The following MTRF1 variants were observed in gnomAD, a reference collection of about 807,000 sequenced individuals.
MTRF1 encodes mitochondrial translation release factor 1, also known as peptide chain release factor 1, mitochondrial.
MTRF1 carries 51 observed loss-of-function variants against 62.9 expected under a neutral mutation model. That is an observed-to-expected ratio of 0.81 (90% CI 0.65 to 1.02). The LOEUF (loss-of-function observed/expected upper bound fraction) is 1.02, where lower values mean the gene tolerates loss of function less well. Among genes scored for constraint, MTRF1 ranks in the 50% least tolerant of loss-of-function variants. MTRF1 has a pLI of 0.00. For synonymous variants in MTRF1, 158 were observed against 181.9 expected (o/e 0.87, Z 1.06); for missense variants, 446 against 530.0 (o/e 0.84, Z 1.56).
intron 5 of MTRF1, among the ~76,000 whole-genome samples, chr13:41,241,098 G>A (rs987557014): frequency 6.6e-6 from 1 of 152,152 alleles, no homozygotes; most frequent in Non-Finnish European, 1.5e-5. Flanking sequence ...GGGCTGGTGT[G>A]CAGTGGTGCA....
chr13:41,249,803 T>C (rs2038832526), intron 5 of MTRF1, among the ~76,000 whole-genome samples: 1 of 151,542 alleles, frequency 6.6e-6, no homozygotes, highest in Non-Finnish European at 1.5e-5. Flanking sequence ...ATTTTTGTAT[T>C]TGTAGTAGAC....
At chr13:41,257,317 G>A (rs2039862061) in intron 2 of MTRF1, among the ~76,000 whole-genome samples, 1 of 152,206 alleles carries the variant, frequency 6.6e-6, no homozygotes, top group South Asian at 2.1e-4. Context: ...AGAACGCCTA[G>A]AGGTAGGGCT....
At chr13:41,270,720 T>C in the MTRF1 span, among the ~76,000 whole-genome samples, 1 of 146,828 alleles carries the variant, frequency 6.8e-6, no homozygotes, top group African/African-American at 2.5e-5. Context: ...TTATAAAGGC[T>C]TTTTATTATT....
intron 2 of MTRF1, among the ~76,000 whole-genome samples, chr13:41,257,099 A>G (rs1482956622): frequency 6.6e-6 from 1 of 152,014 alleles, no homozygotes; most frequent in Non-Finnish European, 1.5e-5. Flanking sequence ...CAACGTGGGC[A>G]AAGATACAGA....
intron 5 of MTRF1, among the ~76,000 whole-genome samples, chr13:41,241,449 C>T (rs1314106289): frequency 6.6e-6 from 1 of 152,180 alleles, no homozygotes; most frequent in Admixed American, 6.5e-5. Flanking sequence ...GTCCACCACT[C>T]AGGTCAAGAA....
intron 8 of MTRF1, among the ~76,000 whole-genome samples, chr13:41,225,787 G>A (rs1360959359): frequency 7.2e-6 from 1 of 138,452 alleles, no homozygotes; most frequent in East Asian, 2.1e-4. Context: ...CCAGCCTGGT[G>A]ACAGAGCGAG....
At chr13:41,305,990 A>T in the MTRF1 span, among the ~76,000 whole-genome samples, 1 of 152,206 alleles carries the variant, frequency 6.6e-6, no homozygotes, top group Non-Finnish European at 1.5e-5. Context: ...AGAACATGCA[A>T]ACTGGGAGGA....
At chr13:41,310,366 T>G in the MTRF1 span, among the ~76,000 whole-genome samples, 1 of 152,142 alleles carries the variant, frequency 6.6e-6, no homozygotes, top group African/African-American at 2.4e-5. Flanking sequence ...AGAAGACCAG[T>G]GGCCTTATAA....
intron 7 of MTRF1, among the ~76,000 whole-genome samples, chr13:41,227,528 A>C (rs1230237381): frequency 6.6e-6 from 1 of 152,108 alleles, no homozygotes. Flanking sequence ...TGTGTAGTCC[A>C]GTTCCTGGTC....
At chr13:41,248,413 C>A (rs142933200) in intron 5 of MTRF1, among the ~76,000 whole-genome samples, 1 of 152,246 alleles carries the variant, frequency 6.6e-6, no homozygotes, top group Admixed American at 6.5e-5. Context: ...TAAGCCACTA[C>A]GCCCAGCCTC....
chr13:41,260,886 A>C lies in MTRF1; in HGVS notation c.22T>G (p.Trp8Gly). Residue 8 changes from tryptophan (W) to glycine (G), a missense_variant, in exon 2 of 10, where the codon TGG becomes GGG. Physicochemically the swap from Trp to Gly is radical, Grantham distance 184. Coordinates refer to ENST00000379480, the MANE Select transcript of MTRF1 (RefSeq NM_004294.4). The stretch of plus-strand genomic sequence containing the variant: ...TTAAGAGATGGATGTCTAAAAAGCC[A>C]AACACACAGGTGACGATTCATCTCA... MNRHLCVWLFRHPSLNGY... is the reference protein window; with the variant it reads MNRHLCVGLFRHPSLNGY... 6.2e-7 allele frequency: 1 copy of C among 1,608,994 alleles called. No individual in the cohort carries two copies. Among genetic ancestry groups the C allele is most frequent in the South Asian group, 1.1e-5 (1 of 90,906 alleles).
At chr13:41,285,921 A>G in the MTRF1 span, among the ~76,000 whole-genome samples, 14 of 151,806 alleles carry the variant, frequency 9.2e-5, no homozygotes, top group African/African-American at 3.4e-4. Flanking sequence ...AAAATTAGCC[A>G]GGAGTGGTGG....
chr13:41,280,629 G>A, the MTRF1 span, among the ~76,000 whole-genome samples: 1 of 151,978 alleles, frequency 6.6e-6, no homozygotes. Flanking sequence ...GATGTCTTAT[G>A]TCTCCCTAAA....
chr13:41,272,449 T>C, the MTRF1 span, among the ~76,000 whole-genome samples: 1 of 152,184 alleles, frequency 6.6e-6, no homozygotes, highest in African/African-American at 2.4e-5. Flanking sequence ...TGAGGAATTT[T>C]AGCCAAATTA....
At chr13:41,296,387 T>C in the MTRF1 span, among the ~76,000 whole-genome samples, 1 of 152,222 alleles carries the variant, frequency 6.6e-6, no homozygotes, top group Admixed American at 6.5e-5. Context: ...GATTCTCTTT[T>C]GATCAAATGT....
chr13:41,287,377 C>T, the MTRF1 span, among the ~76,000 whole-genome samples: 2 of 152,190 alleles, frequency 1.3e-5, no homozygotes, highest in Non-Finnish European at 2.9e-5. Flanking sequence ...AGAGCGAGAG[C>T]TCACTTATCA....
At chr13:41,267,460 C>A (rs913798619), upstream of MTRF1, among the ~76,000 whole-genome samples, 1 of 152,232 alleles carries the variant, frequency 6.6e-6, no homozygotes, top group African/African-American at 2.4e-5. Context: ...CTAGGTGTGG[C>A]AAAATGGTGA....
At chr13:41,289,132 T>A in the MTRF1 span, among the ~76,000 whole-genome samples, 8,051 of 151,568 alleles carry the variant, frequency 0.053, 285 homozygotes, top group Non-Finnish European at 0.074. Context: ...AGCAAAAATT[T>A]AAAAAAAAAT....
At chr13:41,255,004 G>C (rs1357493299) in intron 2 of MTRF1, among the ~76,000 whole-genome samples, 2 of 151,966 alleles carry the variant, frequency 1.3e-5, no homozygotes, top group East Asian at 3.9e-4. Flanking sequence ...TAATCAAACA[G>C]GTTTAAAAAG....
Sources: gnomAD v4.1 joint callset for allele counts (sites outside exome capture counted in the v4.1 genomes callset) on GRCh38, gnomAD v4.1.1 for gene constraint, MANE v1.5 for transcripts, NCBI Gene and HGNC (gene_info 2026-07-23, HGNC 2026-07-21) for gene names.